The following NAV2 variants were observed in gnomAD, a reference collection of about 807,000 sequenced individuals.
The protein encoded by NAV2 is helicase, APC down-regulated 1.
NAV2 carries 54 observed loss-of-function variants against 223.2 expected under a neutral mutation model. That is an observed-to-expected ratio of 0.24 (90% CI 0.19 to 0.30). NAV2 has a LOEUF of 0.30. Among genes scored for constraint, NAV2 ranks in the 10% least tolerant of loss-of-function variants. The pLI is 1.00. For missense variants in NAV2, 2,806 were observed against 3,147.5 expected, an observed-to-expected ratio of 0.89 and a Z score of 2.60; for synonymous variants, 1,279 against 1,239.3, an observed-to-expected ratio of 1.03 and a Z score of -0.67.
chr11:19,601,094 AC>A (rs1260525046), intron 1 of NAV2, among the ~76,000 whole-genome samples: 1 of 152,222 alleles, frequency 6.6e-6, no homozygotes, highest in African/African-American at 2.4e-5. Flanking sequence ...ATCTCTGTAC[AC>A]CTGGCACTGG....
chr11:19,470,519 T>C (rs1267000147), intron 1 of NAV2, among the ~76,000 whole-genome samples: 4 of 152,142 alleles, frequency 2.6e-5, no homozygotes, highest in African/African-American at 9.7e-5. Context: ...AGAGAGAGAC[T>C]GTGAGCCAAA....
intron 1 of NAV2, among the ~76,000 whole-genome samples, chr11:19,589,492 T>C (rs1323968080): frequency 6.6e-6 from 1 of 151,976 alleles, no homozygotes; most frequent in African/African-American, 2.4e-5. Context: ...AAAAGGACAT[T>C]TGAGGAGGAG....
chr11:19,493,427 A>AT (rs1191219609), intron 1 of NAV2, among the ~76,000 whole-genome samples: 2 of 152,134 alleles, frequency 1.3e-5, no homozygotes, highest in Admixed American at 6.5e-5. Context: ...AATTTTAGTA[A>AT]TTTTCCCTTC....
chr11:19,353,588 T>G (rs997921794), intron 1 of NAV2, among the ~76,000 whole-genome samples: 6 of 152,324 alleles, frequency 3.9e-5, no homozygotes, highest in African/African-American at 1.4e-4. Context: ...AGGGATATTA[T>G]TAAGATTAAA....
intron 6 of NAV2, among the ~76,000 whole-genome samples, chr11:19,921,807 T>C (rs10444256): frequency 0.34 from 51,049 of 152,134 alleles, 10,534 homozygotes; most frequent in Non-Finnish European, 0.46. Context: ...ATTGGATTTA[T>C]AGCACGAATA....
chr11:19,934,911 C>T (rs781438910), intron 7 of NAV2, among the ~76,000 whole-genome samples: 3 of 152,212 alleles, frequency 2.0e-5, no homozygotes, highest in Middle Eastern at 3.4e-3. Flanking sequence ...CTTTATCTGT[C>T]CCCTAGCCCC....
intron 1 of NAV2, among the ~76,000 whole-genome samples, chr11:19,517,380 T>A (rs1340622970): frequency 6.6e-6 from 1 of 152,202 alleles, no homozygotes; most frequent in Non-Finnish European, 1.5e-5. Flanking sequence ...CCTCTAGAGT[T>A]TTGATTTCTT....
chr11:20,061,222 C>T (rs116173591), intron 19 of NAV2, among the ~76,000 whole-genome samples: 2,626 of 152,252 alleles, frequency 0.017, 77 homozygotes, highest in African/African-American at 0.06. Context: ...CAGAAGAAGG[C>T]AGCCAGAATA....
intron 1 of NAV2, among the ~76,000 whole-genome samples, chr11:19,529,045 C>A (rs552200643): frequency 2.0e-5 from 3 of 151,840 alleles, no homozygotes; most frequent in African/African-American, 7.3e-5. Flanking sequence ...GAAGAAAGGG[C>A]GTTTTGGCAC....
intron 1 of NAV2, among the ~76,000 whole-genome samples, chr11:19,771,810 A>G (rs2055742068): frequency 6.6e-6 from 1 of 152,140 alleles, no homozygotes; most frequent in African/African-American, 2.4e-5. Flanking sequence ...GGGCGTATTC[A>G]TTCATTCATT....
At chr11:19,841,674 T>A (rs1240165550) in intron 2 of NAV2, among the ~76,000 whole-genome samples, 1 of 152,108 alleles carries the variant, frequency 6.6e-6, no homozygotes, top group African/African-American at 2.4e-5. Flanking sequence ...ATCTTTCCCT[T>A]CTGTGAGTGA....
chr11:19,686,743 A>T (rs952717662), intron 1 of NAV2, among the ~76,000 whole-genome samples: 2 of 152,160 alleles, frequency 1.3e-5, no homozygotes, highest in African/African-American at 4.8e-5. Context: ...TATCACTGTT[A>T]TATCCTGGCT....
intron 1 of NAV2, among the ~76,000 whole-genome samples, chr11:19,829,285 A>C (rs1179735223): frequency 1.3e-5 from 2 of 152,210 alleles, no homozygotes; most frequent in African/African-American, 4.8e-5. Context: ...TAGTTAGGGA[A>C]GGAAGCCTTG....
intron 1 of NAV2, among the ~76,000 whole-genome samples, chr11:19,674,729 C>A (rs532928468): frequency 3.3e-5 from 5 of 152,332 alleles, no homozygotes; most frequent in Non-Finnish European, 5.9e-5. Flanking sequence ...TCAGCCTCCA[C>A]CCACAAGATA....
At chr11:19,799,711 G>C (rs1247246577) in intron 1 of NAV2, among the ~76,000 whole-genome samples, 2 of 152,118 alleles carry the variant, frequency 1.3e-5, no homozygotes, top group Non-Finnish European at 2.9e-5. Flanking sequence ...TGTGCAAACT[G>C]TTAAGGGAAT....
chr11:19,483,454 C>G (rs1222015899), intron 1 of NAV2, among the ~76,000 whole-genome samples: 1 of 152,158 alleles, frequency 6.6e-6, no homozygotes, highest in Non-Finnish European at 1.5e-5. Flanking sequence ...GACCCCAAAG[C>G]ACAAGGGTAG....
intron 4 of NAV2, among the ~76,000 whole-genome samples, chr11:19,875,485 G>A (rs1372849779): frequency 6.6e-6 from 1 of 152,192 alleles, no homozygotes. Flanking sequence ...CCTATTGCTT[G>A]CACACCATAG....
chr11:19,889,730 C>T (rs756772575), intron 5 of NAV2, among the ~76,000 whole-genome samples: 13 of 152,190 alleles, frequency 8.5e-5, no homozygotes, highest in African/African-American at 2.9e-4. Context: ...CTTAGTTAAT[C>T]CCAAACCACG....
chr11:19,346,196 T>G (rs1255511364), upstream of NAV2, among the ~76,000 whole-genome samples: 1 of 152,210 alleles, frequency 6.6e-6, no homozygotes, highest in Non-Finnish European at 1.5e-5. Flanking sequence ...TCTGAGCTTC[T>G]GTGATCTGTG....
Sources: gnomAD v4.1 joint callset for allele counts (sites outside exome capture counted in the v4.1 genomes callset) on GRCh38, gnomAD v4.1.1 for gene constraint, MANE v1.5 for transcripts, NCBI Gene and HGNC (gene_info 2026-07-23, HGNC 2026-07-21) for gene names.